Variants in QTGAL observed in about 807,000 individuals in gnomAD.
The protein encoded by QTGAL is queuosine-tRNA galactosyltransferase, also known as BGnT-like protein 1.
the QTGAL span, among the ~76,000 whole-genome samples, chr17:82,992,749 T>C: frequency 6.6e-6 from 1 of 152,032 alleles, no homozygotes; most frequent in African/African-American, 2.4e-5. Flanking sequence ...AGAATAACTA[T>C]AATAACTTTT....
At chr17:82,983,673 C>T in the QTGAL span, among the ~76,000 whole-genome samples, 12 of 152,202 alleles carry the variant, frequency 7.9e-5, 1 homozygote, top group Admixed American at 2.6e-4. Flanking sequence ...AGTCGCACAG[C>T]AGATGCTCCG....
the QTGAL span, among the ~76,000 whole-genome samples, chr17:82,952,255 C>T: frequency 6.6e-6 from 1 of 152,144 alleles, no homozygotes; most frequent in African/African-American, 2.4e-5. Context: ...GTGACCCGCC[C>T]TGGTGTGGCG....
chr17:82,977,051 G>C, the QTGAL span, among the ~76,000 whole-genome samples: 1 of 152,280 alleles, frequency 6.6e-6, no homozygotes, highest in East Asian at 1.9e-4. Flanking sequence ...AGACAGTCCT[G>C]CTGACCCGCA....
the QTGAL span, among the ~76,000 whole-genome samples, chr17:83,046,041 C>A: frequency 6.6e-6 from 1 of 152,134 alleles, no homozygotes; most frequent in Non-Finnish European, 1.5e-5. Flanking sequence ...GCAGCTTGGT[C>A]TTGAACTCCT....
chr17:82,967,570 G>C, the QTGAL span, among the ~76,000 whole-genome samples: 1 of 152,110 alleles, frequency 6.6e-6, no homozygotes. Context: ...ACGTGCATCT[G>C]GTTGCAGATT....
chr17:82,989,816 CAA>C, the QTGAL span, among the ~76,000 whole-genome samples: 2 of 151,924 alleles, frequency 1.3e-5, no homozygotes, highest in Non-Finnish European at 2.9e-5. Context: ...AAAAAACAAA[CAA>C]AAATAGAAAA....
At chr17:83,007,593 C>T in the QTGAL span, among the ~76,000 whole-genome samples, 16 of 152,128 alleles carry the variant, frequency 1.1e-4, no homozygotes, top group East Asian at 2.1e-3. Flanking sequence ...GGTGAGTACA[C>T]GCCAGCCCAC....
chr17:82,972,279 G>T, the QTGAL span, among the ~76,000 whole-genome samples: 5 of 132,522 alleles, frequency 3.8e-5, no homozygotes, highest in Admixed American at 3.8e-4. Context: ...CCACACCACA[G>T]GGGCCAGAAG....
chr17:83,006,650 T>C, the QTGAL span: 1 of 985,046 alleles, frequency 1.0e-6, no homozygotes, highest in Non-Finnish European at 1.2e-6. This position sits in a 1 kb window ranked among gnomAD's most constrained non-coding sequence, Gnocchi z 5.8. Context: ...CCCGACGCCG[T>C]GGCTGTGCTC....
At chr17:82,948,825 G>A in the QTGAL span, 6 of 152,218 alleles carry the variant, frequency 3.9e-5, no homozygotes, top group African/African-American at 1.2e-4. Flanking sequence ...TATCAAAGAT[G>A]TAATTAAAAA....
At chr17:82,972,795 G>A in the QTGAL span, among the ~76,000 whole-genome samples, 1 of 141,786 alleles carries the variant, frequency 7.1e-6, no homozygotes, top group African/African-American at 2.8e-5. Flanking sequence ...AGAAGGACCT[G>A]GTGCCGACCA....
At chr17:82,953,529 A>G in the QTGAL span, among the ~76,000 whole-genome samples, 117 of 152,346 alleles carry the variant, frequency 7.7e-4, no homozygotes, top group East Asian at 0.019. Flanking sequence ...TTAATACCCT[A>G]CCAACCAAGA....
the QTGAL span, chr17:83,006,276 A>G: frequency 2.0e-6 from 2 of 985,552 alleles, no homozygotes; most frequent in Non-Finnish European, 2.4e-6. The surrounding 1 kb of genome is among the most constrained non-coding windows in gnomAD (Gnocchi z 5.8). Flanking sequence ...ATCTGTCTCC[A>G]ACTTGTGTAG....
the QTGAL span, among the ~76,000 whole-genome samples, chr17:82,997,402 G>A: frequency 1.3e-5 from 2 of 152,174 alleles, no homozygotes; most frequent in African/African-American, 2.4e-5. Context: ...TGGTGAAGAT[G>A]TGAAGAAAAG....
the QTGAL span, among the ~76,000 whole-genome samples, chr17:83,043,930 T>C: frequency 1.3e-5 from 2 of 151,798 alleles, no homozygotes; most frequent in Admixed American, 6.6e-5. Context: ...ACTACCAAAA[T>C]TGACTCAAGA....
the QTGAL span, among the ~76,000 whole-genome samples, chr17:82,983,010 G>C: frequency 6.6e-6 from 1 of 152,232 alleles, no homozygotes; most frequent in Non-Finnish European, 1.5e-5. Context: ...GCTGGGCGCA[G>C]TGGCTCACAC....
chr17:83,022,300 G>A, the QTGAL span, among the ~76,000 whole-genome samples: 2 of 148,936 alleles, frequency 1.3e-5, no homozygotes, highest in Non-Finnish European at 3.0e-5. Flanking sequence ...CTGCACCAGC[G>A]TGAACTCACA....
chr17:83,029,073 C>T, the QTGAL span, among the ~76,000 whole-genome samples: 4 of 152,192 alleles, frequency 2.6e-5, no homozygotes, highest in Non-Finnish European at 4.4e-5. Flanking sequence ...CCGTGGGGAC[C>T]GGAGCCGGGA....
At chr17:82,953,309 C>T in the QTGAL span, among the ~76,000 whole-genome samples, 3 of 151,850 alleles carry the variant, frequency 2.0e-5, no homozygotes, top group Non-Finnish European at 4.4e-5. Context: ...CAAGTAGACA[C>T]AATAAAAAAA....
Sources: allele counts gnomAD v4.1 joint callset (sites outside exome capture counted in the v4.1 genomes callset), GRCh38; gene constraint gnomAD v4.1.1; non-coding constraint Gnocchi (gnomAD v3.1); transcripts MANE v1.5; gene names NCBI Gene and HGNC (gene_info 2026-07-23, HGNC 2026-07-21).